Variants in GPR39 observed in about 807,000 individuals in gnomAD.
GPR39 encodes the protein zinc sensing receptor.
A neutral mutation model predicts 18.4 loss-of-function variants in GPR39; 23 were observed. The ratio of observed to expected loss-of-function variants is 1.25; its 90% CI spans 0.90 to 1.77. The LOEUF is 1.77. Ranked by LOEUF, GPR39 falls within the 40% of genes most tolerant of loss-of-function variation. The pLI, the probability that GPR39 is intolerant of heterozygous loss-of-function variation, is 0.00. For missense variants in GPR39, 647 were observed against 602.4 expected (o/e 1.07, Z -0.78); for synonymous variants, 280 against 257.9 (o/e 1.09, Z -0.82).
intron 1 of GPR39, among the ~76,000 whole-genome samples, chr2:132,546,067 A>T (rs1430815069): frequency 6.6e-6 from 1 of 152,236 alleles, no homozygotes. Flanking sequence ...AGGCTTCTTA[A>T]TGTATTTTTC....
Position 132,417,052 on chromosome 2 carries a change from C to G in GPR39, c.10C>G (p.Pro4Ala). 1.2e-6 allele frequency: 2 copies of G among 1,613,280 alleles called. No individual in the cohort carries two copies. The highest frequency in any genetic ancestry group is 1.7e-6 in the Non-Finnish European group (2 of 1,179,360). The part of the protein sequence containing the change: MAS[P>A]SLPGSDCSQI... ...CCTGGTGCTCTTTCTCATGGCTTCA[C>G]CCAGCCTCCCGGGCAGTGACTGCTC... The change falls in exon 1 of 2, where the codon CCC becomes GCC. Residue 4 changes from proline (P) to alanine (A), a missense_variant. Pro to Ala is a conservative substitution (Grantham distance 27). Coordinates refer to ENST00000329321, the MANE Select transcript of GPR39 (RefSeq NM_001508.3).
intron 1 of GPR39, among the ~76,000 whole-genome samples, chr2:132,418,968 G>A (rs1289035408): frequency 1.3e-5 from 2 of 152,164 alleles, no homozygotes; most frequent in Non-Finnish European, 2.9e-5. Flanking sequence ...CAGGTTCCAG[G>A]GACAGGAGGT....
At chr2:132,472,898 G>T (rs1173500884) in intron 1 of GPR39, among the ~76,000 whole-genome samples, 2 of 151,918 alleles carry the variant, frequency 1.3e-5, no homozygotes, top group Admixed American at 6.6e-5. Flanking sequence ...TCAAGTAGAG[G>T]ACGTGGCCTT....
chr2:132,632,270 A>C (rs1283616165), intron 1 of GPR39, among the ~76,000 whole-genome samples: 1 of 152,046 alleles, frequency 6.6e-6, no homozygotes, highest in African/African-American at 2.4e-5. Flanking sequence ...ATTCAAAGCT[A>C]GTTTGCTTCT....
intron 1 of GPR39, among the ~76,000 whole-genome samples, chr2:132,593,194 G>A (rs1025154786): frequency 7.9e-5 from 12 of 152,278 alleles, no homozygotes; most frequent in Non-Finnish European, 1.2e-4. Flanking sequence ...GGCAACTGGG[G>A]AAGCTCACCT....
intron 1 of GPR39, among the ~76,000 whole-genome samples, chr2:132,594,655 T>C (rs962732215): frequency 2.0e-5 from 3 of 152,116 alleles, no homozygotes; most frequent in Non-Finnish European, 4.4e-5. Context: ...CTGAGTAATC[T>C]GTTTAATAGC....
chr2:132,636,370 G>A (rs1350099197), intron 1 of GPR39, among the ~76,000 whole-genome samples: 2 of 152,134 alleles, frequency 1.3e-5, no homozygotes, highest in Admixed American at 6.5e-5. Flanking sequence ...AGGCTTTGGG[G>A]GCTGGTCCTC....
chr2:132,585,889 C>G (rs1404389312), intron 1 of GPR39, among the ~76,000 whole-genome samples: 1 of 146,044 alleles, frequency 6.8e-6, no homozygotes, highest in Non-Finnish European at 1.5e-5. Context: ...CGTGGGGTAC[C>G]CGAGGGGGCC....
chr2:132,560,132 A>G (rs1680224415), intron 1 of GPR39, among the ~76,000 whole-genome samples: 1 of 152,128 alleles, frequency 6.6e-6, no homozygotes, highest in Admixed American at 6.5e-5. Flanking sequence ...TCCAAATAGC[A>G]GCAACATCCT....
At chr2:132,632,225 A>G (rs1405131633) in intron 1 of GPR39, among the ~76,000 whole-genome samples, 2 of 152,158 alleles carry the variant, frequency 1.3e-5, no homozygotes, top group Non-Finnish European at 2.9e-5. Flanking sequence ...AATCAAAAGC[A>G]GACATTCTGC....
At chr2:132,637,413 G>C (rs1249558514) in intron 1 of GPR39, among the ~76,000 whole-genome samples, 1 of 152,218 alleles carries the variant, frequency 6.6e-6, no homozygotes, top group Non-Finnish European at 1.5e-5. Context: ...ACTGGGGAGA[G>C]AGTTCTTTCC....
At chr2:132,543,596 G>T (rs1679895909) in intron 1 of GPR39, among the ~76,000 whole-genome samples, 1 of 152,172 alleles carries the variant, frequency 6.6e-6, no homozygotes, top group Non-Finnish European at 1.5e-5. Context: ...CTTTTCATGA[G>T]AGATATAGAA....
intron 1 of GPR39, among the ~76,000 whole-genome samples, chr2:132,559,874 G>A (rs1310108020): frequency 6.6e-6 from 1 of 152,112 alleles, no homozygotes; most frequent in Non-Finnish European, 1.5e-5. Flanking sequence ...GTTCCTGGGT[G>A]ATGCCATGCT....
chr2:132,431,396 C>G (rs1170756661), intron 1 of GPR39, among the ~76,000 whole-genome samples: 2 of 152,174 alleles, frequency 1.3e-5, no homozygotes, highest in African/African-American at 4.8e-5. Context: ...CATTCATTGC[C>G]TTCTGGAAAT....
chr2:132,478,578 C>G (rs143196704), intron 1 of GPR39, among the ~76,000 whole-genome samples: 1 of 152,310 alleles, frequency 6.6e-6, no homozygotes, highest in East Asian at 1.9e-4. Flanking sequence ...AAAGCTCAGT[C>G]AGGAGGGACC....
intron 1 of GPR39, among the ~76,000 whole-genome samples, chr2:132,587,372 G>T (rs1680747345): frequency 6.6e-6 from 1 of 152,210 alleles, no homozygotes; most frequent in South Asian, 2.1e-4. Flanking sequence ...CCAAGAACCA[G>T]GATACTGTTA....
intron 1 of GPR39, among the ~76,000 whole-genome samples, chr2:132,465,320 G>A (rs371915130): frequency 3.1e-4 from 47 of 152,256 alleles, no homozygotes; most frequent in Admixed American, 2.0e-3. Flanking sequence ...ACCAGGTGTC[G>A]TCCATCAACC....
intron 1 of GPR39, among the ~76,000 whole-genome samples, chr2:132,611,628 G>GA (rs35004928): frequency 0.54 from 78,218 of 143,852 alleles, 20,916 homozygotes; most frequent in East Asian, 0.65. Flanking sequence ...TTGATTTGCA[G>GA]AAAAAAAAAA....
Position 132,645,666 on chromosome 2 carries a change from C to G in GPR39, c.*60C>G. On this transcript the variant is annotated 3_prime_UTR_variant, in exon 2 of 2. Transcript: ENST00000329321. The stretch of plus-strand genomic sequence containing the variant: ...CCTCCAGCCCTAAGAAAACGTCACT[C>G]TCACTCTGCAGTCTCAAACTATGCC... 4 of 1,554,718 alleles carry G rather than the reference C, an allele frequency of 2.6e-6. No individual in the cohort carries two copies. The highest frequency in any genetic ancestry group is 2.2e-5 in the East Asian group (1 of 44,518).
Sources: gnomAD v4.1 joint callset for allele counts (sites outside exome capture counted in the v4.1 genomes callset) on GRCh38, gnomAD v4.1.1 for gene constraint, MANE v1.5 for transcripts, NCBI Gene and HGNC (gene_info 2026-07-23, HGNC 2026-07-21) for gene names.